TXNL4A: variants seen among roughly 807,000 people sequenced by gnomAD.
TXNL4A encodes the protein thioredoxin like 4A.
In TXNL4A, 17 loss-of-function variants were observed where a neutral mutation model predicts 14.6. The ratio of observed to expected loss-of-function variants is 1.16; its 90% CI spans 0.80 to 1.74. The LOEUF (loss-of-function observed/expected upper bound fraction) is 1.74, where lower values mean the gene tolerates loss of function less well. Ranked by LOEUF, TXNL4A falls within the 40% of genes most tolerant of loss-of-function variation. TXNL4A has a pLI of 0.00. For missense variants in TXNL4A, 74 were observed against 195.2 expected, an observed-to-expected ratio of 0.38 and a Z score of 3.70; for synonymous variants, 83 against 70.6, an observed-to-expected ratio of 1.18 and a Z score of -0.88.
chr18:79,979,888 G>A (rs1463495921), intron 1 of TXNL4A, among the ~76,000 whole-genome samples: 1 of 152,170 alleles, frequency 6.6e-6, no homozygotes, highest in Non-Finnish European at 1.5e-5. Flanking sequence ...CTAACTCAAT[G>A]CCCTTTAGAA....
rs117266308 is a variant in TXNL4A, at chr18:79,993,923, A to T, written c.-60-16222T>A. Among the ~76,000 whole-genome samples, 1,972 of 152,338 alleles carry T rather than the reference A, an allele frequency of 0.013. 18 individuals carry two copies. The highest frequency in any genetic ancestry group is 0.02 in the Non-Finnish European group (1,355 of 68,036). ...GAGCCCCTGACACACTTTACCAGGT[A>T]GCCGCGACAAGCGTGGACTGAACTG... On this transcript the variant is annotated intron_variant, in intron 1 of 2. Transcript: ENST00000585474. The surrounding 1 kb of genome is among the most constrained non-coding windows in gnomAD (Gnocchi z 4.4).
intron 1 of TXNL4A, among the ~76,000 whole-genome samples, chr18:79,981,245 G>A (rs1647090039): frequency 6.6e-6 from 1 of 152,144 alleles, no homozygotes; most frequent in Admixed American, 6.6e-5. Context: ...ATATCATTTG[G>A]ACAGGGTTGT....
rs549187732 is a variant in TXNL4A at position 79,993,631 on chromosome 18, G to A, written c.-60-15930C>T. Reference sequence around the variant, plus strand: ...GGGTTGTGTGTGTTGGGTTGTGTGTGTGTTTCAGTCCTTTCAGCTACCGGA... The same window carrying A: ...GGGTTGTGTGTGTTGGGTTGTGTGTATGTTTCAGTCCTTTCAGCTACCGGA... On this transcript the variant is annotated intron_variant, in intron 1 of 2. Coordinates refer to the TXNL4A transcript ENST00000585474. The surrounding 1 kb of genome is among the most constrained non-coding windows in gnomAD (Gnocchi z 4.4). Among the ~76,000 whole-genome samples the A allele has an allele frequency of 6.6e-6, 1 of 152,138 alleles. No individual in the cohort carries two copies. The highest frequency in any genetic ancestry group is 1.5e-5 in the Non-Finnish European group (1 of 68,032).
At chr18:80,019,794 C>T (rs1337427952) in intron 1 of TXNL4A, among the ~76,000 whole-genome samples, 5 of 152,202 alleles carry the variant, frequency 3.3e-5, no homozygotes, top group African/African-American at 4.8e-5. Context: ...AAGGCATTTG[C>T]TATCTTATTA....
chr18:79,986,106 C>T (rs1360686474), intron 1 of TXNL4A, among the ~76,000 whole-genome samples: 1 of 151,502 alleles, frequency 6.6e-6, no homozygotes, highest in African/African-American at 2.4e-5. Context: ...GTGGTGTAAT[C>T]ATGGCTCACT....
intron 1 of TXNL4A, among the ~76,000 whole-genome samples, chr18:80,030,006 A>G (rs935463542): frequency 1.6e-4 from 25 of 152,246 alleles, no homozygotes; most frequent in African/African-American, 5.3e-4. Flanking sequence ...TTCAACCCCA[A>G]TGGAAGGGCC....
chr18:79,997,412 G>T (rs994875584), intron 1 of TXNL4A, among the ~76,000 whole-genome samples: 4 of 142,194 alleles, frequency 2.8e-5, no homozygotes, highest in Non-Finnish European at 4.6e-5. Flanking sequence ...AAACAAGCAG[G>T]AGGGGACGGA....
chr18:79,979,115 T>C (rs2051424819), intron 1 of TXNL4A, among the ~76,000 whole-genome samples: 1 of 151,738 alleles, frequency 6.6e-6, no homozygotes, highest in Non-Finnish European at 1.5e-5. Context: ...TTTTTGTATT[T>C]TTAGTAGAGA....
intron 1 of TXNL4A, among the ~76,000 whole-genome samples, chr18:80,027,092 C>T (rs1460190735): frequency 1.3e-5 from 2 of 152,234 alleles, no homozygotes; most frequent in Admixed American, 1.3e-4. Flanking sequence ...ATGTCCGTTC[C>T]ACTTACGGTC....
At chr18:79,994,062 G>C (rs768549009) in intron 1 of TXNL4A, among the ~76,000 whole-genome samples, 2 of 152,132 alleles carry the variant, frequency 1.3e-5, no homozygotes, top group Admixed American at 1.3e-4. Flanking sequence ...GGGGAATGAG[G>C]CCTCTAAATT....
chr18:79,986,860 T>C, intron 1 of TXNL4A: 6 of 758,726 alleles, frequency 7.9e-6, no homozygotes, highest in Non-Finnish European at 8.0e-6. Flanking sequence ...GGATTTCCAG[T>C]ATCTGCCCTT....
intron 1 of TXNL4A, among the ~76,000 whole-genome samples, chr18:79,984,617 TTTTTG>T (rs1599726012): frequency 2.0e-5 from 3 of 152,270 alleles, no homozygotes; most frequent in African/African-American, 4.8e-5. Flanking sequence ...CTGAGGAATT[TTTTTG>T]TTTTGTTTTT....
upstream of TXNL4A, among the ~76,000 whole-genome samples, chr18:79,991,514 A>G (rs1028151482): frequency 6.6e-6 from 1 of 152,206 alleles, no homozygotes; most frequent in Non-Finnish European, 1.5e-5. Flanking sequence ...AAACTATTCC[A>G]TTATATGGAT....
intron 1 of TXNL4A, among the ~76,000 whole-genome samples, chr18:79,980,938 G>A (rs1432210910): frequency 6.6e-6 from 1 of 152,218 alleles, no homozygotes; most frequent in Non-Finnish European, 1.5e-5. Context: ...GCCCATTTCT[G>A]AAACTCTAGT....
intron 1 of TXNL4A, chr18:79,986,601 C>T: frequency 6.1e-6 from 6 of 985,458 alleles, no homozygotes; most frequent in Non-Finnish European, 6.0e-6. Context: ...TAAACACTTA[C>T]ATTAACACAT....
intron 1 of TXNL4A, among the ~76,000 whole-genome samples, chr18:80,023,579 A>G (rs896643318): frequency 5.3e-5 from 8 of 152,184 alleles, no homozygotes; most frequent in South Asian, 4.1e-4. Context: ...AATTTATTGA[A>G]CAATGCTGAA....
At position 79,982,398 on chromosome 18, in the gene TXNL4A, G is replaced by A. The variant is rs747355868; in HGVS notation, c.154-4697C>T. ...CAGAGAAAAAGGCCCTCCAGGTAGC[G>A]ACTGGCCTGGAGCTGTACAATGGAG... On this transcript the variant is annotated intron_variant, in intron 1 of 2. Coordinates refer to ENST00000269601, the MANE Select transcript of TXNL4A (RefSeq NM_006701.5). This position sits in a 1 kb window ranked among gnomAD's most constrained non-coding sequence, Gnocchi z 4.0. Among the ~76,000 whole-genome samples the A allele has an allele frequency of 3.3e-5, 5 of 152,186 alleles. No homozygotes were observed. Among genetic ancestry groups the A allele is most frequent in the East Asian group, 1.9e-4 (1 of 5,202 alleles).
intron 1 of TXNL4A, among the ~76,000 whole-genome samples, chr18:80,012,657 A>G (rs1397561386): frequency 6.6e-6 from 1 of 152,218 alleles, no homozygotes; most frequent in African/African-American, 2.4e-5. Flanking sequence ...CTAGTTATCC[A>G]CAGTACCATT....
chr18:80,000,656 T>C (rs545842787), intron 1 of TXNL4A, among the ~76,000 whole-genome samples: 1 of 152,184 alleles, frequency 6.6e-6, no homozygotes, highest in South Asian at 2.1e-4. Flanking sequence ...TTTTTGTTTG[T>C]TTGTTTTGTT....
Sources: allele counts gnomAD v4.1 joint callset (sites outside exome capture counted in the v4.1 genomes callset), GRCh38; gene constraint gnomAD v4.1.1; non-coding constraint Gnocchi (gnomAD v3.1); transcripts MANE v1.5; gene names NCBI Gene and HGNC (gene_info 2026-07-23, HGNC 2026-07-21).